Variants in PIK3R1 observed in about 807,000 individuals in gnomAD.
The protein encoded by PIK3R1 is phosphoinositide-3-kinase regulatory subunit 1, also known as phosphatidylinositol 3-kinase regulatory subunit alpha.
Under a neutral mutation model 98.0 loss-of-function variants are expected in PIK3R1, and 29 were observed. The observed-to-expected ratio is 0.30, with a 90% CI of 0.22 to 0.40. The LOEUF (loss-of-function observed/expected upper bound fraction) is 0.40. PIK3R1 is among the 10% of genes least tolerant of loss of function. The pLI is 1.00. For synonymous variants in PIK3R1, 282 were observed against 311.8 expected (o/e 0.90, Z 1.01); for missense variants, 596 against 872.7 (o/e 0.68, Z 3.99).
At chr5:68,245,814 A>G (rs1348710995) in intron 2 of PIK3R1, among the ~76,000 whole-genome samples, 1 of 152,266 alleles carries the variant, frequency 6.6e-6, no homozygotes, top group Non-Finnish European at 1.5e-5. Context: ...TGAAAATTAT[A>G]TGAAGCAGTG....
chr5:68,265,189 G>A (rs530969258), intron 2 of PIK3R1, among the ~76,000 whole-genome samples: 1 of 151,476 alleles, frequency 6.6e-6, no homozygotes, highest in South Asian at 2.1e-4. Context: ...CCTGAATCAG[G>A]CTGTTAATAT....
chr5:68,239,869 T>C (rs1215663024), intron 2 of PIK3R1: 3 of 504,586 alleles, frequency 5.9e-6, no homozygotes, highest in Middle Eastern at 2.9e-4. Context: ...CTGAAAAGAA[T>C]AAAGCAGATG....
At chr5:68,289,995 T>A (rs1747300145) in intron 7 of PIK3R1, among the ~76,000 whole-genome samples, 1 of 152,210 alleles carries the variant, frequency 6.6e-6, no homozygotes. Context: ...CGTTTATTAT[T>A]TCTGCTAATA....
At chr5:68,295,107 ATG>A (rs1561299617) in intron 12 of PIK3R1, 39 bp from the exon 13 acceptor site, 2 of 1,563,192 alleles carry the variant, frequency 1.3e-6, no homozygotes, top group South Asian at 2.3e-5. Flanking sequence ...ACCGTTCCTG[ATG>A]TACCCAGATA....
intron 11 of PIK3R1, among the ~76,000 whole-genome samples, chr5:68,294,191 A>G (rs570217104): frequency 2.6e-5 from 4 of 152,350 alleles, no homozygotes; most frequent in East Asian, 3.9e-4. Context: ...ATATCCTACC[A>G]TGAAAAGGAA....
chr5:68,289,784 AAAGT>A (rs1747284959), intron 7 of PIK3R1, among the ~76,000 whole-genome samples: 1 of 147,502 alleles, frequency 6.8e-6, no homozygotes, highest in Admixed American at 6.9e-5. Flanking sequence ...AAAAAAAAAA[AAAGT>A]GATTACATCA....
intron 4 of PIK3R1, among the ~76,000 whole-genome samples, chr5:68,276,048 A>C (rs928083746): frequency 6.6e-6 from 1 of 152,196 alleles, no homozygotes; most frequent in Non-Finnish European, 1.5e-5. Flanking sequence ...CTTAGTGGCT[A>C]ATTTTTCTGA....
At position 68,223,917 on chromosome 5, in the gene PIK3R1, T is replaced by C. The variant is rs146946590; in HGVS notation, c.-386-2373T>C. 9.4e-4 allele frequency among the ~76,000 whole-genome samples: 143 copies of C among 152,340 alleles called. 1 individual carries two copies. Among genetic ancestry groups the C allele is most frequent in the African/African-American group, 3.2e-3 (135 of 41,570 alleles). ...TTGATGGTTCCTGGAGGATTGAAGA[T>C]GGGGAAGAGTTTGTTCATTATACTT... On this transcript the variant is annotated intron_variant, in intron 1 of 15. Transcript: ENST00000521381.
intron 1 of PIK3R1, among the ~76,000 whole-genome samples, chr5:68,225,631 C>G (rs1237121434): frequency 1.3e-5 from 2 of 152,202 alleles, no homozygotes; most frequent in African/African-American, 4.8e-5. Flanking sequence ...CAGACCTCTG[C>G]AACACACCTT....
chr5:68,271,650 T>G lies in PIK3R1; in HGVS notation c.335-1740T>G, dbSNP rs566090980. Reference sequence around the variant, plus strand: ...CTCAATAACCGCTGTGGCTAGTCATTGCTTTATCAGAGAGCACAGCTGTAG... The same window carrying G: ...CTCAATAACCGCTGTGGCTAGTCATGGCTTTATCAGAGAGCACAGCTGTAG... On this transcript the variant is annotated intron_variant, in intron 2 of 15. Transcript: ENST00000521381. Among the ~76,000 whole-genome samples, 10 of 152,350 alleles carry G rather than the reference T, an allele frequency of 6.6e-5. No homozygotes were observed. In the South Asian group the frequency reaches 1.9e-3, roughly 28 times the overall value.
Position 68,300,415 on chromosome 5 carries a change from A to T in PIK3R1, c.*2814A>T. On this transcript the variant is annotated 3_prime_UTR_variant, in exon 16 of 16. Coordinates refer to ENST00000521381, the MANE Select transcript of PIK3R1 (RefSeq NM_181523.3). ...AATAGATACAGCAGAGGCACTCCTG[A>T]TATATGATTTTTATCCATGCGTCAG... is the stretch of plus-strand genomic sequence containing the variant. The T allele has an allele frequency of 4.3e-6, 1 of 233,036 alleles. No individual in the cohort carries two copies. Among genetic ancestry groups the T allele is most frequent in the Non-Finnish European group, 8.5e-6 (1 of 117,936 alleles). 14.4% of individuals were successfully genotyped at this position (233,036 alleles called of 1,614,324 possible). A position where few individuals can be genotyped will look rare whatever the true frequency, so the allele number is the denominator to read the frequency against.
At chr5:68,221,593 C>G (rs181993266) in intron 1 of PIK3R1, among the ~76,000 whole-genome samples, 1 of 152,304 alleles carries the variant, frequency 6.6e-6, no homozygotes, top group Admixed American at 6.5e-5. Context: ...TCCTGTATTC[C>G]TGCCTGTCCA....
intron 1 of PIK3R1, among the ~76,000 whole-genome samples, chr5:68,218,911 A>AT (rs1743996661): frequency 6.6e-6 from 1 of 152,220 alleles, no homozygotes; most frequent in East Asian, 1.9e-4. Flanking sequence ...CTAGGTTTTA[A>AT]TTAATTTTCA....
chr5:68,300,149 T>C lies in PIK3R1; in HGVS notation c.*2548T>C. 4.3e-6 allele frequency: 1 copy of C among 233,270 alleles called. No homozygotes were observed. Among genetic ancestry groups the C allele is most frequent in the East Asian group, 6.0e-5 (1 of 16,566 alleles). 14.5% of individuals were successfully genotyped at this position (233,270 alleles called of 1,614,324 possible). A position where few individuals can be genotyped will look rare whatever the true frequency, so the allele number is the denominator to read the frequency against. The stretch of plus-strand genomic sequence containing the variant: ...ACATTCTTTGCAAGATGATACGGTA[T>C]TTAGGCATTTGCCTTATTTTTGCAT... On this transcript the variant is annotated 3_prime_UTR_variant, in exon 16 of 16. Transcript: ENST00000521381.
rs1748035810 is a variant in PIK3R1, at chr5:68,301,362, A to ATG, written c.*3762_*3763insGT. 3.5e-5 allele frequency: 1 copy of ATG among 28,552 alleles called. No homozygotes were observed. The highest frequency in any genetic ancestry group is 7.5e-5 in the Non-Finnish European group (1 of 13,372). 1.8% of individuals were successfully genotyped at this position (28,552 alleles called of 1,614,324 possible). A position where few individuals can be genotyped will look rare whatever the true frequency, so the allele number is the denominator to read the frequency against. ...TGCTGCTATATATATATATATATATATATATGTGTGTGTGTGTGTGTGTGT... is the reference window on the plus strand; with the variant it reads ...TGCTGCTATATATATATATATATATATGTATATGTGTGTGTGTGTGTGTGTGT... On this transcript the variant is annotated 3_prime_UTR_variant, in exon 16 of 16. Coordinates refer to ENST00000521381, the MANE Select transcript of PIK3R1 (RefSeq NM_181523.3).
intron 2 of PIK3R1, among the ~76,000 whole-genome samples, chr5:68,247,636 T>C (rs1385148033): frequency 4.6e-5 from 7 of 151,498 alleles, no homozygotes; most frequent in Non-Finnish European, 4.4e-5. Context: ...TGGAGTATAG[T>C]GGCATCAACA....
intron 2 of PIK3R1, among the ~76,000 whole-genome samples, chr5:68,268,030 ATAAC>A (rs1054144552): frequency 6.6e-6 from 1 of 152,194 alleles, no homozygotes; most frequent in Non-Finnish European, 1.5e-5. Context: ...TCTAACAATA[ATAAC>A]TACCTATTAG....
At chr5:68,270,186 G>C (rs1746287050) in intron 2 of PIK3R1, among the ~76,000 whole-genome samples, 1 of 152,074 alleles carries the variant, frequency 6.6e-6, no homozygotes, top group South Asian at 2.1e-4. Flanking sequence ...TGAGTAATGT[G>C]TAAAACATAT....
intron 2 of PIK3R1, among the ~76,000 whole-genome samples, chr5:68,265,537 G>A (rs1013571971): frequency 3.3e-5 from 5 of 152,122 alleles, no homozygotes; most frequent in African/African-American, 9.7e-5. Context: ...GGAAGGGTGG[G>A]GAGAAAGGTC....
Sources: gnomAD v4.1 joint callset for allele counts (sites outside exome capture counted in the v4.1 genomes callset) on GRCh38, gnomAD v4.1.1 for gene constraint, MANE v1.5 for transcripts, NCBI Gene and HGNC (gene_info 2026-07-23, HGNC 2026-07-21) for gene names.